STEAP3: variants seen among roughly 807,000 people sequenced by gnomAD.
STEAP3 encodes the protein metalloreductase STEAP3.
Under a neutral mutation model 34.9 loss-of-function variants are expected in STEAP3, and 35 were observed. The ratio of observed to expected loss-of-function variants is 1.00; its 90% CI spans 0.76 to 1.33. The LOEUF (loss-of-function observed/expected upper bound fraction) is 1.33. STEAP3 is among the 40% of genes most tolerant of loss of function. The pLI is 0.00. For missense variants in STEAP3, 652 were observed against 667.6 expected, an observed-to-expected ratio of 0.98 and a Z score of 0.26; for synonymous variants, 281 against 301.6, an observed-to-expected ratio of 0.93 and a Z score of 0.71.
rs1259841772 is a variant in STEAP3, at chr2:119,254,849, G to A, written c.1215+1G>A. On this transcript the variant is annotated splice_donor_variant, in intron 5 of 5. Transcript: ENST00000393110. LOFTEE classifies it high-confidence loss of function. ...CTGGAGGGAGTTCAGCTTCGTTCAG[G>A]TAAAGTAGTCTCTAGTCTGCCAGCC... 6.2e-7 allele frequency: 1 copy of A among 1,613,432 alleles called. No individual in the cohort carries two copies. Among genetic ancestry groups the A allele is most frequent in the Non-Finnish European group, 8.5e-7 (1 of 1,179,688 alleles).
chr2:119,241,425 C>T (rs1573551914), intron 2 of STEAP3, among the ~76,000 whole-genome samples: 1 of 152,238 alleles, frequency 6.6e-6, no homozygotes, highest in Non-Finnish European at 1.5e-5. Flanking sequence ...GCATTACAAC[C>T]TGGCATTTTC....
In STEAP3 at chr2:119,245,672, G is replaced by A. The variant is rs376876500; in HGVS notation, c.206G>A (p.Arg69His). ...GSGFKVVVGS[R>H]NPKRTARLFP... ...GGCTTCAAAGTGGTGGTGGGGAGCC[G>A]CAACCCCAAACGCACAGCCAGGCTG... The change falls in exon 3 of 6, where the codon CGC becomes CAC. Residue 69 changes from arginine (R) to histidine (H), a missense_variant. Arg to His is a conservative substitution (Grantham distance 29). Transcript: ENST00000393110. 2.0e-5 allele frequency: 32 copies of A among 1,612,496 alleles called. No homozygotes were observed. In the Admixed American group the frequency reaches 2.0e-4, roughly 10 times the overall value.
At chr2:119,257,895 G>A (rs1677822950) in intron 5 of STEAP3, 1 of 213,746 alleles carries the variant, frequency 4.7e-6, no homozygotes, top group African/African-American at 2.4e-5. Flanking sequence ...AGGGTTATTG[G>A]ACCTCACGCG....
chr2:119,247,687 C>G lies in STEAP3; in HGVS notation c.531C>G (p.Ile177Met), dbSNP rs768814806. 12 of 1,534,490 alleles carry G rather than the reference C, an allele frequency of 7.8e-6. No individual in the cohort carries two copies. In the South Asian group the frequency reaches 1.5e-4, roughly 19 times the overall value. ...CCACTTTTCTCCCGCAGGTGCCCAT[C>G]TGCGGTGACCAGCCAGAAGCCAAGC... ...GPRDGNRQVP[I>M]CGDQPEAKRA... The change falls in exon 4 of 6, where the codon ATC becomes ATG. Residue 177 changes from isoleucine (I) to methionine (M), a missense_variant. By Grantham distance (10) the Ile-to-Met change is conservative. Transcript: ENST00000393110.
intron 5 of STEAP3, among the ~76,000 whole-genome samples, chr2:119,260,573 G>A (rs1677914194): frequency 6.6e-6 from 1 of 152,214 alleles, no homozygotes; most frequent in Non-Finnish European, 1.5e-5. Flanking sequence ...TGGGATTACA[G>A]GCGTGAGCCA....
In STEAP3 at chr2:119,261,022, T is replaced by C. The variant is rs115030775; in HGVS notation, c.1216-2035T>C. On this transcript the variant is annotated intron_variant, in intron 5 of 5. Transcript: ENST00000393110. ...TGAGAACCTGTCTGTGAAATTGTAG[T>C]GTGCAGCCATTGGAAAATGTTTATT... Among the ~76,000 whole-genome samples the C allele has an allele frequency of 7.4e-3, 1,130 of 152,328 alleles. 19 individuals carry two copies. Among genetic ancestry groups the C allele is most frequent in the African/African-American group, 0.026 (1,073 of 41,574 alleles).
intron 2 of STEAP3, among the ~76,000 whole-genome samples, chr2:119,240,130 G>A (rs1005484826): frequency 6.6e-6 from 1 of 152,176 alleles, no homozygotes; most frequent in Non-Finnish European, 1.5e-5. Context: ...CTTGAACCTG[G>A]GAGGCAGAGG....
chr2:119,242,707 T>A (rs1210572604), intron 2 of STEAP3, among the ~76,000 whole-genome samples: 1 of 152,212 alleles, frequency 6.6e-6, no homozygotes, highest in Non-Finnish European at 1.5e-5. Flanking sequence ...ACAATTGACT[T>A]ATTTACTCCT....
rs563528839 is a variant in STEAP3 at position 119,252,529 on chromosome 2, C to A, written c.1051-2155C>A. Reference sequence around the variant, plus strand: ...ACCTGCAACCTAGAGGGAAATCCCACACCTGAATGCTGTCTTTCCATCTCT... The same window carrying A: ...ACCTGCAACCTAGAGGGAAATCCCAAACCTGAATGCTGTCTTTCCATCTCT... On this transcript the variant is annotated intron_variant, in intron 4 of 5. Transcript: ENST00000393110. Among the ~76,000 whole-genome samples the A allele has an allele frequency of 2.1e-3, 321 of 152,350 alleles. 2 individuals are homozygous for A. Among genetic ancestry groups the A allele is most frequent in the African/African-American group, 7.4e-3 (309 of 41,564 alleles).
intron 5 of STEAP3, among the ~76,000 whole-genome samples, chr2:119,259,888 G>C (rs1392325092): frequency 6.6e-6 from 1 of 152,194 alleles, no homozygotes; most frequent in Non-Finnish European, 1.5e-5. Flanking sequence ...GTCTTCCTCA[G>C]GCAAGTGACC....
chr2:119,233,652 G>C (rs925373354), intron 2 of STEAP3, among the ~76,000 whole-genome samples: 7 of 152,314 alleles, frequency 4.6e-5, no homozygotes, highest in Non-Finnish European at 8.8e-5. Context: ...GCACAGAAAT[G>C]AGTTTTTTAT....
intron 4 of STEAP3, among the ~76,000 whole-genome samples, chr2:119,250,999 C>T (rs534862970): frequency 2.6e-5 from 4 of 152,138 alleles, no homozygotes; most frequent in Admixed American, 6.5e-5. Context: ...GGTGGGTGGT[C>T]GGAGGGAGGC....
intron 5 of STEAP3, among the ~76,000 whole-genome samples, chr2:119,260,335 G>A (rs144894269): frequency 3.7e-4 from 54 of 146,840 alleles, no homozygotes; most frequent in Middle Eastern, 3.6e-3. Flanking sequence ...TTTTTGAGAC[G>A]GAATTTCACT....
chr2:119,243,983 T>A (rs1677328879), intron 2 of STEAP3, among the ~76,000 whole-genome samples: 1 of 152,248 alleles, frequency 6.6e-6, no homozygotes, highest in African/African-American at 2.4e-5. Context: ...GCAGGGGATC[T>A]TAAGCCCTGT....
chr2:119,236,723 C>T (rs111945827), intron 2 of STEAP3, among the ~76,000 whole-genome samples: 1,736 of 152,274 alleles, frequency 0.011, 45 homozygotes, highest in South Asian at 0.09. Context: ...CTTCTATAAA[C>T]CCTCAGCCAT....
chr2:119,253,838 C>T (rs1038500352), intron 4 of STEAP3, among the ~76,000 whole-genome samples: 5 of 152,100 alleles, frequency 3.3e-5, no homozygotes, highest in African/African-American at 1.2e-4. Context: ...GGGCCCAGAT[C>T]TCTGTGAGGG....
intron 1 of STEAP3, among the ~76,000 whole-genome samples, chr2:119,228,284 A>T (rs757696129): frequency 6.6e-6 from 1 of 152,170 alleles, no homozygotes; most frequent in Admixed American, 6.5e-5. Flanking sequence ...CAGCTAGAGG[A>T]TACAGTGGCT....
chr2:119,245,117 AG>A, intron 2 of STEAP3: 5 of 222,348 alleles, frequency 2.2e-5, no homozygotes, highest in East Asian at 9.5e-5. Context: ...ACTCCTGGCT[AG>A]TGACACTGTC....
In STEAP3 at chr2:119,263,191, C is replaced by A; in HGVS notation, c.1350C>A (p.Cys450Ter). Residue 450 changes from cysteine (C) to a stop codon, truncating the protein, a stop_gained, in exon 6 of 6, where the codon TGC becomes TGA. Transcript: ENST00000393110. LOFTEE classifies it high-confidence loss of function. The part of the protein sequence containing the change: ...PTFTLTLLVP[C>*]VVILAKALFL... ...TCACGCTCACGCTGCTGGTGCCCTG[C>A]GTCGTCATCCTGGCCAAAGCCCTGT... is the stretch of plus-strand genomic sequence containing the variant. 3.1e-6 allele frequency: 5 copies of A among 1,614,194 alleles called. No homozygotes were observed. The highest frequency in any genetic ancestry group is 1.7e-6 in the Non-Finnish European group (2 of 1,180,040).
Sources: gnomAD v4.1 joint callset for allele counts (sites outside exome capture counted in the v4.1 genomes callset) on GRCh38, gnomAD v4.1.1 for gene constraint, MANE v1.5 for transcripts, NCBI Gene and HGNC (gene_info 2026-07-23, HGNC 2026-07-21) for gene names.